Variants in FAM117A observed in about 807,000 individuals in gnomAD.
FAM117A encodes the protein family with sequence similarity 117 member A, also known as protein FAM117A.
In FAM117A, 21 loss-of-function variants were observed where a neutral mutation model predicts 44.1. That is an observed-to-expected ratio of 0.48 (90% confidence interval 0.34 to 0.69). The LOEUF is 0.69. FAM117A is among the 30% of genes least tolerant of loss of function. The pLI is 0.01. For synonymous variants in FAM117A, 220 were observed against 238.3 expected (o/e 0.92, Z 0.71); for missense variants, 498 against 589.9 (o/e 0.84, Z 1.61).
intron 1 of FAM117A, among the ~76,000 whole-genome samples, chr17:49,748,462 A>T (rs1472614369): frequency 6.6e-6 from 1 of 152,198 alleles, no homozygotes. Context: ...CCGGAAACTT[A>T]CGTTAGAGGA....
intron 2 of FAM117A, among the ~76,000 whole-genome samples, chr17:49,730,246 C>G (rs1832693066): frequency 6.6e-6 from 1 of 152,216 alleles, no homozygotes; most frequent in Non-Finnish European, 1.5e-5. Context: ...TGGAGCCCAT[C>G]CCAGGGAAAG....
chr17:49,750,608 C>G (rs1366333320), intron 1 of FAM117A, among the ~76,000 whole-genome samples: 4 of 151,854 alleles, frequency 2.6e-5, no homozygotes, highest in Non-Finnish European at 5.9e-5. Context: ...AACCCCCCAT[C>G]TCTACTAAAA....
upstream of FAM117A, chr17:49,788,986 G>C: frequency 1.3e-6 from 1 of 743,390 alleles, no homozygotes; most frequent in Non-Finnish European, 2.0e-6. Flanking sequence ...CCTCTCTTCT[G>C]TCCATACCCA....
intron 1 of FAM117A, among the ~76,000 whole-genome samples, chr17:49,754,963 G>GGGA (rs1034730335): frequency 2.0e-5 from 3 of 151,006 alleles, no homozygotes; most frequent in African/African-American, 7.3e-5. Flanking sequence ...GCTTGAACCC[G>GGGA]GGAGGTGGAG....
rs1192279954 is a variant in FAM117A at position 49,732,554 on chromosome 17, G to A, written c.363C>T (p.Thr121=). 6.2e-7 allele frequency: 1 copy of A among 1,614,034 alleles called. No individual in the cohort carries two copies. Among genetic ancestry groups the A allele is most frequent in the Admixed American group, 1.7e-5 (1 of 59,998 alleles). The change falls in exon 2 of 8, where the codon ACC becomes ACT. Residue 121 remains threonine (T), a synonymous_variant. Coordinates refer to ENST00000240364, the MANE Select transcript of FAM117A (RefSeq NM_030802.4). The part of the protein sequence containing the change: ...AFTCCTNDKA[T]QTPLSWQELE... ...CATCAGGAGAGAGCTTCATTACCTG[G>A]GTGGCCTTGTCATTGGTGCAGCAGG...
intron 1 of FAM117A, among the ~76,000 whole-genome samples, chr17:49,744,350 GT>G (rs2143758055): frequency 6.6e-6 from 1 of 152,260 alleles, no homozygotes; most frequent in Admixed American, 6.5e-5. Flanking sequence ...CATGATCATA[GT>G]TCATTGCAAC....
chr17:49,722,451 T>A, intron 3 of FAM117A, 48 bp downstream of exon 3: 1 of 1,471,170 alleles, frequency 6.8e-7, no homozygotes, highest in East Asian at 2.3e-5. Context: ...TACTAGGGGA[T>A]CGAGAAGAAG....
At chr17:49,744,030 C>T (rs912349559) in intron 1 of FAM117A, among the ~76,000 whole-genome samples, 6 of 152,112 alleles carry the variant, frequency 3.9e-5, no homozygotes, top group African/African-American at 7.2e-5. Flanking sequence ...AGATAACTTT[C>T]GGATAATCAA....
intron 1 of FAM117A, among the ~76,000 whole-genome samples, chr17:49,782,376 C>CA (rs1193854249): frequency 0.3 from 5,240 of 17,748 alleles, 1,069 homozygotes; most frequent in East Asian, 0.6. Flanking sequence ...GACTCCGTCT[C>CA]AAAAAAAAAA....
chr17:49,788,731 G>C (rs1282410116), upstream of FAM117A: 1 of 1,318,046 alleles, frequency 7.6e-7, no homozygotes, highest in South Asian at 1.3e-5. Flanking sequence ...ATCGTCCGCA[G>C]GATTGGGACT....
intron 5 of FAM117A, among the ~76,000 whole-genome samples, chr17:49,719,372 G>A (rs992758616): frequency 2.0e-5 from 3 of 152,210 alleles, no homozygotes; most frequent in East Asian, 1.9e-4. Context: ...GGAGGCATGC[G>A]TGTTACCAGG....
chr17:49,760,305 T>C (rs190878744), intron 1 of FAM117A, among the ~76,000 whole-genome samples: 1 of 152,142 alleles, frequency 6.6e-6, no homozygotes, highest in South Asian at 2.1e-4. Context: ...GATCTTTATA[T>C]AGGAAAAACA....
rs1477243307 is a variant in FAM117A at position 49,711,575 on chromosome 17, A to T, written c.1062-20T>A. ...GGAGACCTGGAGGATGAAGAGAGAC[A>T]CACAAGACACATACGTACACACAGA... On this transcript the variant is annotated intron_variant, in intron 7 of 7. Transcript: ENST00000240364. The T allele has an allele frequency of 2.9e-5, 46 of 1,609,896 alleles. No individual in the cohort carries two copies. Among genetic ancestry groups the T allele is most frequent in the Admixed American group, 2.5e-4 (15 of 59,996 alleles).
At chr17:49,788,813 C>T (rs1262484883), upstream of FAM117A, 5 of 1,580,478 alleles carry the variant, frequency 3.2e-6, no homozygotes, top group Non-Finnish European at 4.3e-6. Flanking sequence ...GAATCGGAAC[C>T]GTCGGGCCGC....
Position 49,722,479 on chromosome 17 carries a change from G to T in FAM117A, c.462+20C>A. The T allele has an allele frequency of 6.2e-7, 1 of 1,605,320 alleles. No individual in the cohort carries two copies. Among genetic ancestry groups the T allele is most frequent in the Non-Finnish European group, 8.5e-7 (1 of 1,173,434 alleles). ...AGAAGAAGCCGCTACCCTAGGCAGG[G>T]AGTCAAAGTGGGTAGCTACCTCTTT... On this transcript the variant is annotated intron_variant, in intron 3 of 7. Coordinates refer to ENST00000240364, the MANE Select transcript of FAM117A (RefSeq NM_030802.4).
chr17:49,719,987 G>T, intron 4 of FAM117A, 93 bp from the exon 5 acceptor site: 1 of 1,472,306 alleles, frequency 6.8e-7, no homozygotes, highest in Non-Finnish European at 9.0e-7. Flanking sequence ...TGTCCACACA[G>T]CAGAACTGAG....
At chr17:49,788,746 C>CA (rs534217280), upstream of FAM117A, 1,255 of 1,436,002 alleles carry the variant, frequency 8.7e-4, 8 homozygotes, top group Middle Eastern at 0.012. Flanking sequence ...GGGACTGATA[C>CA]AGAGGCCGCC....
chr17:49,757,169 GCTAAAGGCA>G (rs2073702282), intron 1 of FAM117A, among the ~76,000 whole-genome samples: 1 of 151,640 alleles, frequency 6.6e-6, no homozygotes, highest in African/African-American at 2.4e-5. Flanking sequence ...GCAGAGCTGA[GCTAAAGGCA>G]CTCCATCTGT....
chr17:49,760,944 G>A (rs1391834911), intron 1 of FAM117A, among the ~76,000 whole-genome samples: 1 of 152,080 alleles, frequency 6.6e-6, no homozygotes, highest in Admixed American at 6.5e-5. Context: ...ACTCTCTTCA[G>A]CCTTCCTCAC....
Sources: gnomAD v4.1 joint callset for allele counts (sites outside exome capture counted in the v4.1 genomes callset) on GRCh38, gnomAD v4.1.1 for gene constraint, MANE v1.5 for transcripts, NCBI Gene and HGNC (gene_info 2026-07-23, HGNC 2026-07-21) for gene names.